Variants in GLG1 observed in about 807,000 individuals in gnomAD.
GLG1 encodes the protein golgi glycoprotein 1.
In GLG1, 38 loss-of-function variants were observed where a neutral mutation model predicts 160.5. The observed-to-expected ratio is 0.24, with a 90% CI of 0.18 to 0.31. The LOEUF is 0.31. Among genes scored for constraint, GLG1 ranks in the 10% least tolerant of loss-of-function variants. GLG1 has a pLI of 1.00. For missense variants in GLG1, 1,373 were observed against 1,505.2 expected (o/e 0.91, Z 1.45); for synonymous variants, 644 against 543.4 (o/e 1.19, Z -2.57).
At chr16:74,571,386 A>C (rs1320795069) in intron 1 of GLG1, among the ~76,000 whole-genome samples, 1 of 152,164 alleles carries the variant, frequency 6.6e-6, no homozygotes, top group Non-Finnish European at 1.5e-5. Flanking sequence ...TGAGTCATTA[A>C]GTTTGGGACC....
At chr16:74,484,854 G>A (rs2015736730) in intron 9 of GLG1, among the ~76,000 whole-genome samples, 1 of 152,028 alleles carries the variant, frequency 6.6e-6, no homozygotes, top group Non-Finnish European at 1.5e-5. Context: ...TGGACCTCAC[G>A]TGATCCGCCA....
At chr16:74,589,674 A>T (rs1002303100) in intron 1 of GLG1, among the ~76,000 whole-genome samples, 3 of 152,156 alleles carry the variant, frequency 2.0e-5, no homozygotes, top group African/African-American at 7.2e-5. Context: ...GAATTTCCAC[A>T]AGAGGAAGGG....
chr16:74,460,786 G>C (rs2143169206), intron 22 of GLG1, among the ~76,000 whole-genome samples: 1 of 152,352 alleles, frequency 6.6e-6, no homozygotes, highest in South Asian at 2.1e-4. Flanking sequence ...ACTTGAGTCA[G>C]ATCTCAGGAC....
At chr16:74,491,332 T>C (rs2015976757) in intron 7 of GLG1, 117 bp from the exon 8 acceptor site, 2 of 751,224 alleles carry the variant, frequency 2.7e-6, no homozygotes, top group Non-Finnish European at 4.5e-6. Flanking sequence ...CTATCAGACA[T>C]GCTAACATCT....
Position 74,529,812 on chromosome 16 carries a change from C to CTTT in GLG1, c.471+2306_471+2308dup, listed in dbSNP as rs1178684020. Among the ~76,000 whole-genome samples, 566 of 115,666 alleles carry CTTT rather than the reference C, an allele frequency of 4.9e-3. 1 individual carries two copies. The highest frequency in any genetic ancestry group is 6.4e-3 in the Non-Finnish European group (377 of 58,832). 75.9% of individuals were successfully genotyped at this position (115,666 alleles called of 152,430 possible). A position where few individuals can be genotyped will look rare whatever the true frequency, so the allele number is the denominator to read the frequency against. On this transcript the variant is annotated intron_variant, in intron 2 of 25. Coordinates refer to ENST00000422840, the MANE Select transcript of GLG1 (RefSeq NM_001145667.2). ...CCTATTCCTTGGCTCTTTGAGAGTT[C>CTTT]TTTTTTTTTTTTTTTTTTTTTTGTG...
At chr16:74,563,419 T>C (rs1033275406) in intron 1 of GLG1, 2 of 152,202 alleles carry the variant, frequency 1.3e-5, no homozygotes, top group African/African-American at 4.8e-5. Context: ...GAGTAAACGA[T>C]ACAGTGTCTA....
chr16:74,564,249 A>G (rs2018589651), intron 1 of GLG1, among the ~76,000 whole-genome samples: 2 of 152,208 alleles, frequency 1.3e-5, no homozygotes, highest in Admixed American at 6.5e-5. Context: ...CACGTGGATG[A>G]ATATACTGGA....
At chr16:74,464,475 T>C (rs1431375746) in intron 19 of GLG1, among the ~76,000 whole-genome samples, 1 of 152,266 alleles carries the variant, frequency 6.6e-6, no homozygotes, top group Non-Finnish European at 1.5e-5. Context: ...CTATCCGTTC[T>C]GCTAATCCGC....
chr16:74,477,973 C>CAAAAAAATAAAT (rs1555508270), intron 11 of GLG1, among the ~76,000 whole-genome samples: 4 of 22,686 alleles, frequency 1.8e-4, no homozygotes, highest in Non-Finnish European at 3.9e-4. Flanking sequence ...AACTCCGTCT[C>CAAAAAAATAAAT]AAAAAAATAA....
At chr16:74,494,249 T>A (rs1182630001) in intron 6 of GLG1, among the ~76,000 whole-genome samples, 1 of 151,904 alleles carries the variant, frequency 6.6e-6, no homozygotes, top group African/African-American at 2.4e-5. Flanking sequence ...GGCTTCTCAC[T>A]ATCTAGATAT....
At chr16:74,478,008 A>G (rs150980814) in intron 11 of GLG1, among the ~76,000 whole-genome samples, 3 of 151,540 alleles carry the variant, frequency 2.0e-5, no homozygotes, top group African/African-American at 7.3e-5. Flanking sequence ...AAATAAATAA[A>G]TAAATAAAAT....
intron 1 of GLG1, among the ~76,000 whole-genome samples, chr16:74,560,455 C>T (rs1017297244): frequency 1.3e-5 from 2 of 151,678 alleles, no homozygotes; most frequent in African/African-American, 2.4e-5. Context: ...AGCCTCCCCC[C>T]GCCGCCCCCC....
chr16:74,540,894 TAA>T (rs1023645448), intron 1 of GLG1, among the ~76,000 whole-genome samples: 2 of 152,252 alleles, frequency 1.3e-5, no homozygotes, highest in African/African-American at 4.8e-5. Flanking sequence ...GCTGCCTGAA[TAA>T]AGTCAGTTAC....
At chr16:74,493,168 G>A (rs757248810) in intron 6 of GLG1, 28 bp from the exon 7 acceptor site, 11 of 1,536,186 alleles carry the variant, frequency 7.2e-6, no homozygotes, top group Non-Finnish European at 8.9e-6. Context: ...CAACAGCCGT[G>A]AGACCACTCA....
chr16:74,605,749 A>C (rs969399108), intron 1 of GLG1, among the ~76,000 whole-genome samples: 1 of 152,134 alleles, frequency 6.6e-6, no homozygotes, highest in African/African-American at 2.4e-5. Context: ...TTAAAAAAAA[A>C]ACCAAAAACA....
At position 74,447,814 on chromosome 16, in the gene GLG1, G is replaced by A. The variant is rs2014127792; in HGVS notation, c.*5353C>T. On this transcript the variant is annotated 3_prime_UTR_variant, in exon 26 of 26. Coordinates refer to ENST00000422840, the MANE Select transcript of GLG1 (RefSeq NM_001145667.2). ...GCCCAGTGCACTGCAGGGGGACCTG[G>A]AGGGCCCATTTCTACCACCCTAGCA... 2.6e-5 allele frequency: 4 copies of A among 152,296 alleles called. No homozygotes were observed. The highest frequency in any genetic ancestry group is 1.3e-4 in the Admixed American group (2 of 15,288). 9.4% of individuals were successfully genotyped at this position (152,296 alleles called of 1,614,324 possible).
At chr16:74,602,765 AGAGT>A (rs1398740457) in intron 1 of GLG1, among the ~76,000 whole-genome samples, 3 of 151,470 alleles carry the variant, frequency 2.0e-5, no homozygotes, top group Non-Finnish European at 2.9e-5. Flanking sequence ...CCTGGGTGAC[AGAGT>A]GAGACTCTGT....
At chr16:74,528,811 C>CA (rs35777516) in intron 2 of GLG1, among the ~76,000 whole-genome samples, 2,946 of 62,770 alleles carry the variant, frequency 0.047, 260 homozygotes, top group African/African-American at 0.085. Flanking sequence ...GATTCTGTCT[C>CA]AAAAAAAAAA....
chr16:74,453,457 A>G (rs2014406437), intron 25 of GLG1, 123 bp from the exon 26 acceptor site: 1 of 637,604 alleles, frequency 1.6e-6, no homozygotes, highest in Non-Finnish European at 2.8e-6. Context: ...GAGGGAGGGC[A>G]GGAGATAAGA....
Sources: allele counts gnomAD v4.1 joint callset (sites outside exome capture counted in the v4.1 genomes callset), GRCh38; gene constraint gnomAD v4.1.1; transcripts MANE v1.5; gene names NCBI Gene and HGNC (gene_info 2026-07-23, HGNC 2026-07-21).